CMTM4: variants seen among roughly 807,000 people sequenced by gnomAD.
CMTM4 encodes CKLF-like MARVEL transmembrane domain-containing protein 4.
In CMTM4, 8 loss-of-function variants were observed where a neutral mutation model predicts 19.0. The observed-to-expected ratio is 0.42, with a 90% CI of 0.25 to 0.76. CMTM4 has a LOEUF of 0.76. Ranked by LOEUF, CMTM4 falls within the 30% of genes least tolerant of loss-of-function variation. The pLI is 0.27. For synonymous variants in CMTM4, 106 were observed against 121.1 expected (o/e 0.88, Z 0.82); for missense variants, 228 against 290.2 (o/e 0.79, Z 1.56).
chr16:66,624,309 T>A (rs777499745), intron 2 of CMTM4, among the ~76,000 whole-genome samples: 4 of 152,234 alleles, frequency 2.6e-5, no homozygotes, highest in Non-Finnish European at 5.9e-5. Context: ...TACTTTGGCA[T>A]GAGGCACCCA....
In CMTM4 at chr16:66,620,375, G is replaced by A. The variant is rs1267992638; in HGVS notation, c.*1683C>T. On this transcript the variant is annotated 3_prime_UTR_variant, in exon 4 of 4. Coordinates refer to ENST00000394106, the MANE Select transcript of CMTM4 (RefSeq NM_181521.3). ...TAACAGGCTAGCAGGGTCAGCCCCT[G>A]AGGCAGACGTGGTGCTCAGCCACAT... The A allele has an allele frequency of 1.0e-6, 1 of 985,380 alleles. No homozygotes were observed. Among genetic ancestry groups the A allele is most frequent in the African/African-American group, 1.7e-5 (1 of 57,254 alleles). 61.0% of individuals were successfully genotyped at this position (985,380 alleles called of 1,614,324 possible).
chr16:66,651,174 C>G (rs1171805318), intron 1 of CMTM4, among the ~76,000 whole-genome samples: 1 of 152,154 alleles, frequency 6.6e-6, no homozygotes, highest in Non-Finnish European at 1.5e-5. Context: ...CAGCTCCTCT[C>G]TTAGCAACCA....
At chr16:66,679,995 C>T (rs72790493) in intron 1 of CMTM4, among the ~76,000 whole-genome samples, 2,106 of 152,230 alleles carry the variant, frequency 0.014, 22 homozygotes, top group Non-Finnish European at 0.023. Context: ...TCTGTTTCTG[C>T]ATCTGTAAAA....
intron 1 of CMTM4, among the ~76,000 whole-genome samples, chr16:66,655,250 C>A (rs1162773464): frequency 1.3e-5 from 2 of 152,122 alleles, no homozygotes; most frequent in African/African-American, 4.8e-5. Flanking sequence ...AGATTACAGG[C>A]GTGAGGTACT....
chr16:66,692,191 A>C (rs2017147940), intron 1 of CMTM4, among the ~76,000 whole-genome samples: 1 of 152,128 alleles, frequency 6.6e-6, no homozygotes, highest in Non-Finnish European at 1.5e-5. Context: ...CCCAGGTTCA[A>C]GCGCTTCTCC....
chr16:66,619,847 G>A lies in CMTM4; in HGVS notation c.*2211C>T. ...TTACAGGGACATAAATAATTCTGAAGAGTCTATCACGAAGATGCAAATTAA... is the reference window on the plus strand; with the variant it reads ...TTACAGGGACATAAATAATTCTGAAAAGTCTATCACGAAGATGCAAATTAA... On this transcript the variant is annotated 3_prime_UTR_variant, in exon 4 of 4. Coordinates refer to ENST00000394106, the MANE Select transcript of CMTM4 (RefSeq NM_181521.3). 1 of 985,386 alleles carries A rather than the reference G, an allele frequency of 1.0e-6. No homozygotes were observed. The highest frequency in any genetic ancestry group is 1.2e-6 in the Non-Finnish European group (1 of 829,914). The allele number at this position is 985,386 out of a possible 1,614,324, so 61.0% of individuals were successfully genotyped here.
Position 66,617,468 on chromosome 16 carries a change from C to CT in CMTM4, c.*4589dup, listed in dbSNP as rs2015548442. ...ACAATAGGACCCACTCCGCTTCAAG[C>CT]TAAAGAGTGTACAAAATGCCACTCA... On this transcript the variant is annotated 3_prime_UTR_variant, in exon 4 of 4. Transcript: ENST00000394106. The CT allele has an allele frequency of 6.8e-7, 1 of 1,470,602 alleles. No homozygotes were observed. The highest frequency in any genetic ancestry group is 2.5e-5 in the Admixed American group (1 of 39,644). 91.1% of individuals were successfully genotyped at this position (1,470,602 alleles called of 1,614,324 possible).
At chr16:66,641,092 G>T (rs2016091163) in intron 1 of CMTM4, among the ~76,000 whole-genome samples, 1 of 152,186 alleles carries the variant, frequency 6.6e-6, no homozygotes, top group Non-Finnish European at 1.5e-5. Flanking sequence ...CTGTCACCCA[G>T]GGGGTGCAGT....
chr16:66,641,411 A>G (rs2060713065), intron 1 of CMTM4, among the ~76,000 whole-genome samples: 1 of 152,034 alleles, frequency 6.6e-6, no homozygotes. Flanking sequence ...GGGAGGGAAA[A>G]CTCTTGTTGT....
chr16:66,612,497 G>A, downstream of CMTM4: 3 of 1,076,632 alleles, frequency 2.8e-6, no homozygotes, highest in Non-Finnish European at 4.1e-6. The surrounding 1 kb of genome is among the most constrained non-coding windows in gnomAD (Gnocchi z 6.0). Flanking sequence ...TCAGCTGCAG[G>A]AGGCCTGCAC....
At chr16:66,639,873 C>T (rs1489252275) in intron 1 of CMTM4, among the ~76,000 whole-genome samples, 1 of 152,060 alleles carries the variant, frequency 6.6e-6, no homozygotes, top group African/African-American at 2.4e-5. Flanking sequence ...CAAAAATTAG[C>T]CAGATGTGGT....
chr16:66,673,605 G>T (rs2016752859), intron 1 of CMTM4, among the ~76,000 whole-genome samples: 1 of 152,158 alleles, frequency 6.6e-6, no homozygotes. Context: ...GTGAAATGTG[G>T]TTTGTTCCAC....
At chr16:66,612,717 G>A (rs3743720), downstream of CMTM4, 47,139 of 1,421,604 alleles carry the variant, frequency 0.033, 1,836 homozygotes, top group East Asian at 0.14. The surrounding 1 kb of genome is among the most constrained non-coding windows in gnomAD (Gnocchi z 6.0). Context: ...GCGTTGGAGC[G>A]GAGGCCTGGA....
chr16:66,648,718 T>C (rs1052405915), intron 1 of CMTM4, among the ~76,000 whole-genome samples: 2 of 150,886 alleles, frequency 1.3e-5, no homozygotes, highest in Admixed American at 6.6e-5. Flanking sequence ...ACGCCTGTCA[T>C]CTCAACACTT....
chr16:66,624,117 G>A (rs970841454), intron 2 of CMTM4, among the ~76,000 whole-genome samples: 2 of 152,182 alleles, frequency 1.3e-5, no homozygotes. Flanking sequence ...CTTGACCAGG[G>A]TCCAAACCAC....
chr16:66,608,375 C>T, the CMTM4 span: 18 of 1,614,232 alleles, frequency 1.1e-5, no homozygotes, highest in Non-Finnish European at 1.4e-5. The surrounding 1 kb of genome is among the most constrained non-coding windows in gnomAD (Gnocchi z 5.1). Flanking sequence ...CACAGCGCCT[C>T]TGCTGGAGTT....
At chr16:66,644,382 AC>A (rs2016151418) in intron 1 of CMTM4, among the ~76,000 whole-genome samples, 2 of 152,240 alleles carry the variant, frequency 1.3e-5, no homozygotes, top group African/African-American at 2.4e-5. Context: ...GACTTTGTAT[AC>A]TTTTTCAGAA....
the CMTM4 span, chr16:66,604,898 G>T: frequency 1.4e-6 from 2 of 1,451,402 alleles, no homozygotes; most frequent in Middle Eastern, 1.9e-4. Flanking sequence ...GCGCCCTGCT[G>T]CCGGCGCGGG....
chr16:66,676,564 C>T (rs905001701), intron 1 of CMTM4, among the ~76,000 whole-genome samples: 4 of 152,200 alleles, frequency 2.6e-5, no homozygotes, highest in South Asian at 2.1e-4. Flanking sequence ...ACAAGGGAGG[C>T]GCACAATAAC....
Sources: allele counts gnomAD v4.1 joint callset (sites outside exome capture counted in the v4.1 genomes callset), GRCh38; gene constraint gnomAD v4.1.1; non-coding constraint Gnocchi (gnomAD v3.1); transcripts MANE v1.5; gene names NCBI Gene and HGNC (gene_info 2026-07-23, HGNC 2026-07-21).